Variants in ADCY2 observed in about 807,000 individuals in gnomAD.
ADCY2 encodes the protein adenylate cyclase type 2.
In ADCY2, 31 loss-of-function variants were observed where a neutral mutation model predicts 125.2. That is an observed-to-expected ratio of 0.25 (90% CI 0.19 to 0.33). ADCY2 has a LOEUF of 0.33. ADCY2 is among the 10% of genes least tolerant of loss of function. The pLI is 1.00. For synonymous variants in ADCY2, 512 were observed against 548.4 expected (o/e 0.93, Z 0.93); for missense variants, 904 against 1,418.2 (o/e 0.64, Z 5.82).
chr5:7,584,339 G>A (rs1736547651), intron 3 of ADCY2, among the ~76,000 whole-genome samples: 1 of 151,990 alleles, frequency 6.6e-6, no homozygotes, highest in African/African-American at 2.4e-5. Context: ...TTCTAAAAGG[G>A]AATTTTCTTG....
At chr5:7,481,360 G>A (rs1418949788) in intron 2 of ADCY2, among the ~76,000 whole-genome samples, 2 of 152,036 alleles carry the variant, frequency 1.3e-5, no homozygotes, top group Admixed American at 6.6e-5. Context: ...TCCGCCTCCC[G>A]GGTTCACGCC....
intron 4 of ADCY2, among the ~76,000 whole-genome samples, chr5:7,650,118 G>A (rs1380295515): frequency 6.6e-6 from 1 of 151,916 alleles, no homozygotes; most frequent in East Asian, 1.9e-4. Context: ...GCCACATTGA[G>A]CCTTTAAAAT....
intron 2 of ADCY2, among the ~76,000 whole-genome samples, chr5:7,452,796 G>C (rs910949902): frequency 6.6e-6 from 1 of 152,074 alleles, no homozygotes; most frequent in African/African-American, 2.4e-5. Flanking sequence ...GACTATTCTG[G>C]TTAGGGTAAT....
At chr5:7,744,223 G>C (rs544967768) in intron 15 of ADCY2, among the ~76,000 whole-genome samples, 3 of 152,170 alleles carry the variant, frequency 2.0e-5, no homozygotes, top group African/African-American at 7.2e-5. Flanking sequence ...GCCTGTTGGA[G>C]GGTGGGGGAA....
At position 7,570,597 on chromosome 5, in the gene ADCY2, TA is replaced by T. The variant is rs144849310; in HGVS notation, c.570+49700del. 1.6e-3 allele frequency among the ~76,000 whole-genome samples: 227 copies of T among 139,046 alleles called. 1 individual carries two copies. The East Asian group carries it at 0.032, about 20-fold the overall frequency. The allele number at this position is 139,046 out of a possible 152,430, so 91.2% of individuals were successfully genotyped here. On this transcript the variant is annotated intron_variant, in intron 3 of 24. Transcript: ENST00000338316. ...AAAAAGAAGATAATACATAGCTATGTAAGCTAAGGAGGAGTCAAGGGACAAA... is the reference window on the plus strand; with the variant it reads ...AAAAAGAAGATAATACATAGCTATGTAGCTAAGGAGGAGTCAAGGGACAAA...
chr5:7,722,348 CA>C (rs1466156227), intron 12 of ADCY2, among the ~76,000 whole-genome samples: 1 of 152,198 alleles, frequency 6.6e-6, no homozygotes, highest in Non-Finnish European at 1.5e-5. Context: ...ATTTCACTCT[CA>C]CTCGCAAGCT....
At chr5:7,532,891 T>TA (rs1324021407) in intron 3 of ADCY2, among the ~76,000 whole-genome samples, 1 of 151,936 alleles carries the variant, frequency 6.6e-6, no homozygotes, top group Admixed American at 6.6e-5. Flanking sequence ...AACAAACACT[T>TA]ATGCAGCTCT....
intron 14 of ADCY2, among the ~76,000 whole-genome samples, chr5:7,740,820 A>G (rs1742383866): frequency 6.6e-6 from 1 of 152,130 alleles, no homozygotes; most frequent in African/African-American, 2.4e-5. Context: ...AGTAACTAGT[A>G]GAATATTTAT....
chr5:7,708,106 T>C (rs1236808785), intron 9 of ADCY2: 2 of 303,430 alleles, frequency 6.6e-6, no homozygotes, highest in Non-Finnish European at 1.2e-5. Context: ...TTAGTCGGTG[T>C]ATTCCTTGGT....
At chr5:7,556,817 A>G (rs1295930939) in intron 3 of ADCY2, among the ~76,000 whole-genome samples, 1 of 152,078 alleles carries the variant, frequency 6.6e-6, no homozygotes, top group Non-Finnish European at 1.5e-5. Context: ...GCTCCTTGTG[A>G]TAATCCAATA....
chr5:7,586,797 A>G (rs1423909907), intron 3 of ADCY2, among the ~76,000 whole-genome samples: 1 of 152,096 alleles, frequency 6.6e-6, no homozygotes, highest in Non-Finnish European at 1.5e-5. Flanking sequence ...GACAAAGGCA[A>G]GTGAAGTTCA....
intron 24 of ADCY2, 190 bp from the exon 25 acceptor site, chr5:7,826,529 T>A (rs1745483418): frequency 1.4e-6 from 1 of 717,550 alleles, no homozygotes. Context: ...ATCCCAGCGC[T>A]GAATTAAACA....
At chr5:7,622,044 G>C (rs535470054) in intron 3 of ADCY2, among the ~76,000 whole-genome samples, 1 of 152,338 alleles carries the variant, frequency 6.6e-6, no homozygotes, top group East Asian at 1.9e-4. Flanking sequence ...TGACAGATGT[G>C]AAAGTAGCTA....
Position 7,751,945 on chromosome 5 carries a change from G to A in ADCY2, c.1957-5504G>A, listed in dbSNP as rs561414645. ...TAAAAATAGTAAACAGAATCAACAC[G>A]TATTTGACGAGTTCCTACCATTTAA... On this transcript the variant is annotated intron_variant, in intron 15 of 24. Coordinates refer to ENST00000338316, the MANE Select transcript of ADCY2 (RefSeq NM_020546.3). Among the ~76,000 whole-genome samples the A allele has an allele frequency of 7.2e-5, 11 of 152,178 alleles. No homozygotes were observed. In the East Asian group the frequency reaches 1.9e-3, roughly 27 times the overall value.
chr5:7,412,242 T>A (rs1437483652), intron 1 of ADCY2, among the ~76,000 whole-genome samples: 4 of 152,164 alleles, frequency 2.6e-5, no homozygotes, highest in Non-Finnish European at 4.4e-5. Context: ...TTTCTGGAGA[T>A]CTAAGAGCCA....
chr5:7,464,465 G>T (rs1406610249), intron 2 of ADCY2, among the ~76,000 whole-genome samples: 1 of 152,138 alleles, frequency 6.6e-6, no homozygotes, highest in Non-Finnish European at 1.5e-5. Context: ...TGGAACATGG[G>T]TTCTCCCAGC....
Position 7,698,474 on chromosome 5 carries a change from T to C in ADCY2, c.1109+100T>C. The C allele has an allele frequency of 5.4e-6, 7 of 1,294,268 alleles. No homozygotes were observed. In the South Asian group the frequency reaches 7.2e-5, roughly 13 times the overall value. The allele number at this position is 1,294,268 out of a possible 1,614,324, so 80.2% of individuals were successfully genotyped here. A position where few individuals can be genotyped will look rare whatever the true frequency, so the allele number is the denominator to read the frequency against. ...GTTACATAGGTATACATGTACTGTG[T>C]TGGTTTCCTGCACCCATCAACTCAT... On this transcript the variant is annotated intron_variant, in intron 7 of 24. Coordinates refer to ENST00000338316, the MANE Select transcript of ADCY2 (RefSeq NM_020546.3).
At chr5:7,692,877 G>T (rs1159307898) in intron 5 of ADCY2, among the ~76,000 whole-genome samples, 1 of 151,988 alleles carries the variant, frequency 6.6e-6, no homozygotes. Context: ...CGTCTTCTGG[G>T]ACTTTAATTC....
intron 2 of ADCY2, among the ~76,000 whole-genome samples, chr5:7,452,295 A>G (rs1173312434): frequency 6.6e-6 from 1 of 152,118 alleles, no homozygotes; most frequent in East Asian, 1.9e-4. Context: ...ATCTCTCTGC[A>G]TGCCTTTGCA....
Sources: allele counts gnomAD v4.1 joint callset (sites outside exome capture counted in the v4.1 genomes callset), GRCh38; gene constraint gnomAD v4.1.1; transcripts MANE v1.5; gene names NCBI Gene and HGNC (gene_info 2026-07-23, HGNC 2026-07-21).